CFAP58: variants seen among roughly 807,000 people sequenced by gnomAD.
The protein encoded by CFAP58 is cilia- and flagella-associated protein 58.
Under a neutral mutation model 119.5 loss-of-function variants are expected in CFAP58, and 88 were observed. That is an observed-to-expected ratio of 0.74 (90% CI 0.62 to 0.88). The LOEUF (loss-of-function observed/expected upper bound fraction) is 0.88. CFAP58 is among the 40% of genes least tolerant of loss of function. The pLI is 0.00. For synonymous variants in CFAP58, 365 were observed against 366.3 expected, an observed-to-expected ratio of 1.00 and a Z score of 0.04; for missense variants, 990 against 1,021.2, an observed-to-expected ratio of 0.97 and a Z score of 0.42.
chr10:104,447,828 G>A lies in CFAP58; in HGVS notation c.2376+11G>A, dbSNP rs775672359. 6.2e-7 allele frequency: 1 copy of A among 1,600,896 alleles called. No individual in the cohort carries two copies. Among genetic ancestry groups the A allele is most frequent in the East Asian group, 2.2e-5 (1 of 44,446 alleles). Reference sequence around the variant, plus strand: ...AAGCAGCAGCTGAAAGTAAGTGGTAGCCCCTGTTCCTTCCGGGTTCCAGGG... The same window carrying A: ...AAGCAGCAGCTGAAAGTAAGTGGTAACCCCTGTTCCTTCCGGGTTCCAGGG... On this transcript the variant is annotated intron_variant, in intron 16 of 17. Coordinates refer to ENST00000369704, the MANE Select transcript of CFAP58 (RefSeq NM_001008723.2).
At chr10:104,391,218 C>A (rs1486934476) in intron 9 of CFAP58, among the ~76,000 whole-genome samples, 1 of 152,152 alleles carries the variant, frequency 6.6e-6, no homozygotes. Context: ...CCTTTTCCAC[C>A]TTTCGTTCTA....
intron 17 of CFAP58, among the ~76,000 whole-genome samples, chr10:104,451,011 T>G (rs6584599): frequency 0.14 from 21,312 of 152,088 alleles, 3,082 homozygotes; most frequent in African/African-American, 0.37. Context: ...AAAAACAAAA[T>G]TTCTCTTCAC....
chr10:104,366,172 C>T (rs1385464113), intron 5 of CFAP58, among the ~76,000 whole-genome samples, 164 bp downstream of exon 5: 1 of 152,178 alleles, frequency 6.6e-6, no homozygotes, highest in Non-Finnish European at 1.5e-5. Context: ...TTGAATGGCT[C>T]TTATGAGGTA....
intron 11 of CFAP58, among the ~76,000 whole-genome samples, chr10:104,398,085 C>T (rs1425117854): frequency 6.6e-6 from 1 of 152,248 alleles, no homozygotes; most frequent in Non-Finnish European, 1.5e-5. Context: ...AACACATACC[C>T]TTCCATGTTG....
At chr10:104,357,836 TAC>T (rs1303460550) in intron 1 of CFAP58, among the ~76,000 whole-genome samples, 58 of 74,180 alleles carry the variant, frequency 7.8e-4, no homozygotes, top group African/African-American at 2.6e-3. Flanking sequence ...CACATATATG[TAC>T]ACATATGTAC....
intron 8 of CFAP58, among the ~76,000 whole-genome samples, chr10:104,378,754 G>C (rs1418266586): frequency 6.6e-6 from 1 of 152,178 alleles, no homozygotes; most frequent in Non-Finnish European, 1.5e-5. Flanking sequence ...AACTCCTGGG[G>C]AAGGGTCATT....
intron 4 of CFAP58, 36 bp from the exon 5 acceptor site, chr10:104,365,778 C>T: frequency 6.4e-7 from 1 of 1,564,868 alleles, no homozygotes; most frequent in Non-Finnish European, 8.6e-7. Context: ...GGTCAGGGCT[C>T]ATCTCTTTCT....
In CFAP58 at chr10:104,365,918, C is replaced by A. The variant is rs928956981; in HGVS notation, c.702C>A (p.Ser234Arg). 6.2e-7 allele frequency: 1 copy of A among 1,613,460 alleles called. No homozygotes were observed. The highest frequency in any genetic ancestry group is 1.3e-5 in the African/African-American group (1 of 74,914). Residue 234 changes from serine to arginine, a missense_variant, in exon 5 of 18, where the codon AGC becomes AGA. Ser to Arg is a moderately radical substitution (Grantham distance 110, BLOSUM62 -1). Transcript: ENST00000369704. ...ELKQIQADMDSRQTEIKALQQ... is the reference protein window; with the variant it reads ...ELKQIQADMDRRQTEIKALQQ... ...AGCAGATTCAGGCAGACATGGACAG[C>A]AGGCAGACAGAAATAAAAGCCCTGC...
chr10:104,446,560 G>A (rs932595309), intron 15 of CFAP58, among the ~76,000 whole-genome samples: 1 of 152,122 alleles, frequency 6.6e-6, no homozygotes, highest in African/African-American at 2.4e-5. Context: ...ACAATACTAA[G>A]AATACTTAGC....
Position 104,454,586 on chromosome 10 carries a change from T to C in CFAP58, c.*56T>C. 7.7e-7 allele frequency: 1 copy of C among 1,305,516 alleles called. No individual in the cohort carries two copies. 80.9% of individuals were successfully genotyped at this position (1,305,516 alleles called of 1,614,324 possible). ...AACTCATGAAATCTGCTCTGGGACA[T>C]TTTGGGGGAATCTCAAAGTCCTTGG... On this transcript the variant is annotated 3_prime_UTR_variant, in exon 18 of 18. Coordinates refer to ENST00000369704, the MANE Select transcript of CFAP58 (RefSeq NM_001008723.2).
At position 104,399,409 on chromosome 10, in the gene CFAP58, T is replaced by C; in HGVS notation, c.1724T>C (p.Ile575Thr). 6.2e-7 allele frequency: 1 copy of C among 1,613,788 alleles called. No homozygotes were observed. The highest frequency in any genetic ancestry group is 8.5e-7 in the Non-Finnish European group (1 of 1,179,796). ...RQQALETKHF[I>T]EKQEAEERKL... ...CAAGCCCTGGAGACAAAACACTTTA[T>C]TGAAAAGCAAGAAGCTGAAGAGAGA... The change falls in exon 12 of 18, where the codon ATT (isoleucine) becomes ACT (threonine). Residue 575 changes from isoleucine to threonine, a missense_variant. By Grantham distance (89) the Ile-to-Thr change is moderately conservative (BLOSUM62 -1). Coordinates refer to ENST00000369704, the MANE Select transcript of CFAP58 (RefSeq NM_001008723.2).
At chr10:104,355,053 T>C (rs2014525266) in intron 1 of CFAP58, among the ~76,000 whole-genome samples, 1 of 152,206 alleles carries the variant, frequency 6.6e-6, no homozygotes, top group African/African-American at 2.4e-5. Flanking sequence ...ATCTCTTTCA[T>C]ATCATCCATC....
In CFAP58 at chr10:104,358,007, A is replaced by G. The variant is rs572718804; in HGVS notation, c.10-334A>G. ...TGTACACATATATGTACACATATAT[A>G]CACATATATGTACATATATATACAT... On this transcript the variant is annotated intron_variant, in intron 1 of 17. Transcript: ENST00000369704. 3.7e-4 allele frequency among the ~76,000 whole-genome samples: 49 copies of G among 133,082 alleles called. 1 individual carries two copies. The highest frequency in any genetic ancestry group is 2.2e-3 in the Admixed American group (30 of 13,790). The allele number at this position is 133,082 out of a possible 152,430, so 87.3% of individuals were successfully genotyped here.
At chr10:104,419,581 T>C (rs1352703318) in intron 15 of CFAP58, among the ~76,000 whole-genome samples, 1 of 152,080 alleles carries the variant, frequency 6.6e-6, no homozygotes, top group African/African-American at 2.4e-5. Flanking sequence ...TTTTTACTTT[T>C]GAAAATTCCT....
rs1372219063 is a variant in CFAP58 at position 104,357,816 on chromosome 10, T to TAC, written c.10-523_10-522dup. Among the ~76,000 whole-genome samples, 144 of 148,786 alleles carry TAC rather than the reference T, an allele frequency of 9.7e-4. 1 individual carries two copies. Among genetic ancestry groups the TAC allele is most frequent in the Middle Eastern group, 7.4e-3 (2 of 272 alleles). On this transcript the variant is annotated intron_variant, in intron 1 of 17. Coordinates refer to ENST00000369704, the MANE Select transcript of CFAP58 (RefSeq NM_001008723.2). ...ACATATATATACACACATATATATG[T>TAC]ACATATATACACATATATGTACACA...
chr10:104,453,045 A>C (rs905086984), intron 17 of CFAP58, among the ~76,000 whole-genome samples: 2 of 152,210 alleles, frequency 1.3e-5, no homozygotes, highest in African/African-American at 4.8e-5. Context: ...AAATACATTA[A>C]AAAGATAATA....
intron 15 of CFAP58, among the ~76,000 whole-genome samples, chr10:104,421,097 AC>A (rs1288090773): frequency 6.6e-6 from 1 of 152,134 alleles, no homozygotes; most frequent in Non-Finnish European, 1.5e-5. Flanking sequence ...TAGGATTGAG[AC>A]ATCTTAAACG....
intron 15 of CFAP58, among the ~76,000 whole-genome samples, chr10:104,414,164 C>T (rs770793999): frequency 1.4e-4 from 22 of 152,102 alleles, no homozygotes; most frequent in Non-Finnish European, 2.2e-4. Context: ...TAATGGCAGG[C>T]TGATTTGTCA....
chr10:104,341,751 A>G, the CFAP58 span, among the ~76,000 whole-genome samples: 1 of 152,140 alleles, frequency 6.6e-6, no homozygotes, highest in Non-Finnish European at 1.5e-5. Context: ...TTAATAGATC[A>G]AAAGAGAAAA....
Sources: allele counts gnomAD v4.1 joint callset (sites outside exome capture counted in the v4.1 genomes callset), GRCh38; gene constraint gnomAD v4.1.1; transcripts MANE v1.5; gene names NCBI Gene and HGNC (gene_info 2026-07-23, HGNC 2026-07-21).